SNTG2: variants seen among roughly 807,000 people sequenced by gnomAD.
SNTG2 encodes gamma-2-syntrophin.
In SNTG2, 74 loss-of-function variants were observed where a neutral mutation model predicts 70.9. The observed-to-expected ratio is 1.04, with a 90% CI of 0.86 to 1.27. The LOEUF (loss-of-function observed/expected upper bound fraction) is 1.27. Ranked by LOEUF, SNTG2 falls within the 50% of genes most tolerant of loss-of-function variation. SNTG2 has a pLI of 0.00. For synonymous variants in SNTG2, 278 were observed against 273.8 expected (o/e 1.02, Z -0.15); for missense variants, 717 against 690.7 (o/e 1.04, Z -0.43).
chr2:977,390 G>A (rs988292244), intron 1 of SNTG2, among the ~76,000 whole-genome samples: 4 of 152,100 alleles, frequency 2.6e-5, no homozygotes, highest in East Asian at 1.9e-4. Context: ...CTGTGCCCAC[G>A]GCCTGCTTTG....
rs1681382357 is a variant in SNTG2, at chr2:1,318,396, C to A, written c.1488+2021C>A. On this transcript the variant is annotated intron_variant, in intron 16 of 16. Coordinates refer to ENST00000308624, the MANE Select transcript of SNTG2 (RefSeq NM_018968.4). ...CTCTTCATTGATCTCAATGAAATGACACTTTATAGTTGCTTTTAAGTACAA... is the reference window on the plus strand; with the variant it reads ...CTCTTCATTGATCTCAATGAAATGAAACTTTATAGTTGCTTTTAAGTACAA... Among the ~76,000 whole-genome samples, 4 of 152,314 alleles carry A rather than the reference C, an allele frequency of 2.6e-5. No individual in the cohort carries two copies. In the South Asian group the frequency reaches 6.2e-4, roughly 24 times the overall value.
intron 2 of SNTG2, among the ~76,000 whole-genome samples, chr2:1,095,474 A>G (rs1329975796): frequency 6.6e-6 from 1 of 152,206 alleles, no homozygotes; most frequent in Non-Finnish European, 1.5e-5. Flanking sequence ...AGCCCTTCAC[A>G]TTCCAGTAAA....
chr2:1,009,513 G>A (rs568862322), intron 1 of SNTG2, among the ~76,000 whole-genome samples: 13 of 133,724 alleles, frequency 9.7e-5, no homozygotes, highest in African/African-American at 3.7e-4. Flanking sequence ...TGGGTCGTGT[G>A]TATGGCAGCC....
intron 16 of SNTG2, among the ~76,000 whole-genome samples, chr2:1,350,450 C>A (rs1402381921): frequency 6.6e-6 from 1 of 152,204 alleles, no homozygotes; most frequent in African/African-American, 2.4e-5. Flanking sequence ...TACCAGATTG[C>A]CCATTTATTT....
At chr2:979,472 C>A (rs1004940633) in intron 1 of SNTG2, among the ~76,000 whole-genome samples, 3 of 152,066 alleles carry the variant, frequency 2.0e-5, no homozygotes, top group African/African-American at 7.2e-5. Context: ...CTGTGCCCAG[C>A]CTTGCTGGCC....
At chr2:1,350,111 A>C (rs954005139) in intron 16 of SNTG2, among the ~76,000 whole-genome samples, 1 of 152,104 alleles carries the variant, frequency 6.6e-6, no homozygotes, top group Non-Finnish European at 1.5e-5. Flanking sequence ...TGGCCTTGCT[A>C]TCACCCCCCC....
rs759185885 is a variant in SNTG2, at chr2:1,173,134, C to G, written c.542C>G (p.Ser181Cys). ...PSSDHSSGAS[S>C]PLFDSGLHLN... is the part of the protein sequence containing the mutation. Reference sequence around the variant, plus strand: ...AGCGACCACAGCAGTGGGGCCTCCTCTCCCCTCTTTGACAGCGGTTTGCAT... The same window carrying G: ...AGCGACCACAGCAGTGGGGCCTCCTGTCCCCTCTTTGACAGCGGTTTGCAT... The change falls in exon 8 of 17, where the codon TCT becomes TGT. Residue 181 changes from serine to cysteine, a missense_variant. Physicochemically the swap from Ser to Cys is moderately radical, Grantham distance 112. Transcript: ENST00000308624. 6.2e-7 allele frequency: 1 copy of G among 1,613,922 alleles called. No homozygotes were observed. Among genetic ancestry groups the G allele is most frequent in the Non-Finnish European group, 8.5e-7 (1 of 1,179,902 alleles).
At position 1,247,884 on chromosome 2, in the gene SNTG2, G is replaced by C. The variant is rs1677527038; in HGVS notation, c.1005+441G>C. 3.9e-5 allele frequency among the ~76,000 whole-genome samples: 6 copies of C among 152,054 alleles called. No individual in the cohort carries two copies. The South Asian group carries it at 1.2e-3, about 32-fold the overall frequency. On this transcript the variant is annotated intron_variant, in intron 12 of 16. Transcript: ENST00000308624. ...AAAAAATAAGCAGCCTGCTTTAGTG[G>C]GGTCCATAATATAAATTTATGGCTG...
intron 1 of SNTG2, among the ~76,000 whole-genome samples, chr2:976,788 C>T (rs933470814): frequency 1.5e-4 from 23 of 152,270 alleles, no homozygotes; most frequent in African/African-American, 4.8e-4. Context: ...GTCTGTGCAA[C>T]CCCCACTCAA....
At chr2:1,159,111 TGTTC>T (rs76932247) in intron 6 of SNTG2, among the ~76,000 whole-genome samples, 20,758 of 81,224 alleles carry the variant, frequency 0.26, 1,959 homozygotes, top group African/African-American at 0.34. Context: ...TGTACCTGTG[TGTTC>T]GTGTGTGTGT....
At position 1,165,634 on chromosome 2, in the gene SNTG2, A is replaced by G. The variant is rs770391282; in HGVS notation, c.498A>G (p.Leu166=). 22 of 1,611,186 alleles carry G rather than the reference A, an allele frequency of 1.4e-5. No individual in the cohort carries two copies. The East Asian group carries it at 4.5e-4, about 33-fold the overall frequency. ...REAPAFLKLP[L]GSPGPSSDHS... ...CGCCGGCATTTCTGAAGCTCCCGTTAGGTAAGTGGGAAGAGGAGAAATGCC... is the reference window on the plus strand; with the variant it reads ...CGCCGGCATTTCTGAAGCTCCCGTTGGGTAAGTGGGAAGAGGAGAAATGCC... Residue 166 remains leucine (L), a splice_region_variant and synonymous_variant, in exon 7 of 17, where the codon TTA becomes TTG. Transcript: ENST00000308624.
chr2:1,215,985 T>C (rs1380817903), intron 9 of SNTG2, among the ~76,000 whole-genome samples: 2 of 152,242 alleles, frequency 1.3e-5, no homozygotes, highest in Admixed American at 6.5e-5. Flanking sequence ...TCCAAGTCTT[T>C]GCTATTGTGA....
chr2:1,152,636 T>G lies in SNTG2; in HGVS notation c.412-12912T>G, dbSNP rs189101933. Among the ~76,000 whole-genome samples, 188 of 152,234 alleles carry G rather than the reference T, an allele frequency of 1.2e-3. 1 individual carries two copies. Among genetic ancestry groups the G allele is most frequent in the African/African-American group, 3.5e-3 (145 of 41,534 alleles). ...TGCACATGTATGCATCTGTGTGTGT[T>G]TGTGTGTAACATTTGTAGTTCAGGA... On this transcript the variant is annotated intron_variant, in intron 6 of 16. Coordinates refer to ENST00000308624, the MANE Select transcript of SNTG2 (RefSeq NM_018968.4).
intron 11 of SNTG2, among the ~76,000 whole-genome samples, chr2:1,244,044 G>T (rs1005255061): frequency 6.6e-6 from 1 of 152,176 alleles, no homozygotes; most frequent in Admixed American, 6.5e-5. Context: ...GGTGGTGGTG[G>T]GGGTGGCTGG....
rs577583915 is a variant in SNTG2, at chr2:1,153,256, A to C, written c.412-12292A>C. On this transcript the variant is annotated intron_variant, in intron 6 of 16. Transcript: ENST00000308624. The stretch of plus-strand genomic sequence containing the variant: ...TAAGAAACCGTGACATCTTTTTTTT[A>C]TTATCCATTTTTTTATTATACTTTA... Among the ~76,000 whole-genome samples the C allele has an allele frequency of 2.0e-5, 3 of 152,156 alleles. No individual in the cohort carries two copies. The East Asian group carries it at 5.8e-4, about 29-fold the overall frequency.
intron 8 of SNTG2, among the ~76,000 whole-genome samples, chr2:1,186,783 G>C (rs556342944): frequency 7.9e-5 from 12 of 152,260 alleles, no homozygotes; most frequent in Admixed American, 7.9e-4. Context: ...AATTCAACAT[G>C]AGATTTTAGT....
chr2:1,198,378 A>G (rs1270423433), intron 8 of SNTG2, among the ~76,000 whole-genome samples: 6 of 152,026 alleles, frequency 3.9e-5, no homozygotes, highest in African/African-American at 1.4e-4. Context: ...AGTCTGTCTG[A>G]CACACAATGT....
At chr2:960,168 TG>T (rs200072630) in intron 1 of SNTG2, among the ~76,000 whole-genome samples, 173 of 152,302 alleles carry the variant, frequency 1.1e-3, no homozygotes, top group African/African-American at 3.9e-3. Context: ...CACGGTCCTT[TG>T]CCCTTCTGTC....
intron 1 of SNTG2, among the ~76,000 whole-genome samples, chr2:974,438 G>A (rs1439104577): frequency 6.6e-6 from 1 of 152,262 alleles, no homozygotes. Flanking sequence ...TCTTTTCCAG[G>A]CAGCCCTGTC....
Sources: gnomAD v4.1 joint callset for allele counts (sites outside exome capture counted in the v4.1 genomes callset) on GRCh38, gnomAD v4.1.1 for gene constraint, MANE v1.5 for transcripts, NCBI Gene and HGNC (gene_info 2026-07-23, HGNC 2026-07-21) for gene names.